The following TIAM2 variants were observed in gnomAD, a reference collection of about 807,000 sequenced individuals.
TIAM2 encodes rho guanine nucleotide exchange factor TIAM2.
In TIAM2, 80 loss-of-function variants were observed where a neutral mutation model predicts 152.9. That is an observed-to-expected ratio of 0.52 (90% CI 0.44 to 0.63). TIAM2 has a LOEUF of 0.63. Among genes scored for constraint, TIAM2 ranks in the 30% least tolerant of loss-of-function variants. The pLI is 0.00. For synonymous variants in TIAM2, 804 were observed against 838.0 expected (o/e 0.96, Z 0.70); for missense variants, 1,965 against 2,120.1 (o/e 0.93, Z 1.44).
intron 15 of TIAM2, among the ~76,000 whole-genome samples, chr6:155,239,651 A>G (rs1034343530): frequency 5.3e-5 from 8 of 152,178 alleles, no homozygotes; most frequent in African/African-American, 1.9e-4. Flanking sequence ...TGGTCCCCCC[A>G]GATGGTCATG....
chr6:155,007,990 T>G (rs987328997), intron 1 of TIAM2, among the ~76,000 whole-genome samples: 39 of 152,132 alleles, frequency 2.6e-4, no homozygotes, highest in African/African-American at 9.2e-4. Flanking sequence ...GTGTACAGAG[T>G]TGGCAGCCAA....
chr6:155,198,689 A>T (rs1209502979), intron 14 of TIAM2, among the ~76,000 whole-genome samples: 3 of 142,834 alleles, frequency 2.1e-5, no homozygotes, highest in South Asian at 2.2e-4. Context: ...AAAAAAAAAA[A>T]ATCTCTTAAT....
At position 154,995,689 on chromosome 6, in the gene TIAM2, C is replaced by A. The variant is rs894331563; in HGVS notation, c.-209+197C>A. 6.6e-6 allele frequency among the ~76,000 whole-genome samples: 1 copy of A among 151,850 alleles called. No homozygotes were observed. Among genetic ancestry groups the A allele is most frequent in the Non-Finnish European group, 1.5e-5 (1 of 67,896 alleles). On this transcript the variant is annotated intron_variant, in intron 1 of 26. Transcript: ENST00000682666. The surrounding 1 kb of genome is among the most constrained non-coding windows in gnomAD (Gnocchi z 5.2). ...TGCGGGGCGCGGCCTGGCACCCTCTCCCCGGAGGGCGGCAGCGTCCGGGCA... is the reference window on the plus strand; with the variant it reads ...TGCGGGGCGCGGCCTGGCACCCTCTACCCGGAGGGCGGCAGCGTCCGGGCA...
chr6:155,128,555 T>C (rs1779352881), intron 3 of TIAM2, among the ~76,000 whole-genome samples: 1 of 152,178 alleles, frequency 6.6e-6, no homozygotes, highest in African/African-American at 2.4e-5. Context: ...TCCCTAATTT[T>C]TCTCTTCAAG....
Position 155,127,631 on chromosome 6 carries a change from G to A in TIAM2, c.-7+31G>A, listed in dbSNP as rs189959687. ...CCCAACCCTTGTGCCTGGGGGTCACGTCAAGTTGCATGACTGTGATTAAGG... is the reference window on the plus strand; with the variant it reads ...CCCAACCCTTGTGCCTGGGGGTCACATCAAGTTGCATGACTGTGATTAAGG... On this transcript the variant is annotated intron_variant, in intron 3 of 26. Coordinates refer to ENST00000682666, the MANE Select transcript of TIAM2 (RefSeq NM_012454.4). 1.7e-4 allele frequency: 76 copies of A among 455,848 alleles called. No homozygotes were observed. In the East Asian group the frequency reaches 3.4e-3, roughly 20 times the overall value. The allele number at this position is 455,848 out of a possible 1,614,324, so 28.2% of individuals were successfully genotyped here. A position where few individuals can be genotyped will look rare whatever the true frequency, so the allele number is the denominator to read the frequency against.
rs1202469055 is a variant in TIAM2 at position 155,254,443 on chromosome 6, T to G, written c.4338T>G (p.Ile1446Met). The G allele has an allele frequency of 1.2e-6, 2 of 1,613,794 alleles. No homozygotes were observed. The highest frequency in any genetic ancestry group is 1.7e-6 in the Non-Finnish European group (2 of 1,179,702). ...CCSDSESKTN[I>M]VKVIRSILRE... ...GTGACAGTGAAAGCAAAACCAACAT[T>G]GTTAAGGTGATTCGTTCTATTCTGA... is the stretch of plus-strand genomic sequence containing the variant. Residue 1446 changes from isoleucine (I) to methionine (M), a missense_variant, in exon 26 of 27, where the codon ATT becomes ATG. Around this residue, in one of 3 missense-constraint regions of TIAM2, gnomAD observed 935 missense variants for 980.0 expected, o/e 0.95. Coordinates refer to ENST00000682666, the MANE Select transcript of TIAM2 (RefSeq NM_012454.4).
In TIAM2 at chr6:155,257,151, C is replaced by T. The variant is rs1312335092; in HGVS notation, c.*30C>T. On this transcript the variant is annotated 3_prime_UTR_variant, in exon 27 of 27. Transcript: ENST00000682666. ...ATTCAATCCAGATATGGGTTAAATTCCTCATTTTACTTTTAAACTGGTGGT... is the reference window on the plus strand; with the variant it reads ...ATTCAATCCAGATATGGGTTAAATTTCTCATTTTACTTTTAAACTGGTGGT... 1.3e-6 allele frequency: 2 copies of T among 1,557,770 alleles called. No homozygotes were observed. Among genetic ancestry groups the T allele is most frequent in the Non-Finnish European group, 1.8e-6 (2 of 1,137,698 alleles).
In TIAM2 at chr6:155,148,354, G is replaced by C. The variant is rs1339184287; in HGVS notation, c.2028+20G>C. Reference sequence around the variant, plus strand: ...AACCAGGTACTGTTTGTCTACACCTGAGTTTTCTTCCATTGCTCATGTCAC... The same window carrying C: ...AACCAGGTACTGTTTGTCTACACCTCAGTTTTCTTCCATTGCTCATGTCAC... On this transcript the variant is annotated intron_variant, in intron 7 of 26. Transcript: ENST00000682666. 3 of 1,602,514 alleles carry C rather than the reference G, an allele frequency of 1.9e-6. No homozygotes were observed. Among genetic ancestry groups the C allele is most frequent in the Non-Finnish European group, 2.6e-6 (3 of 1,174,466 alleles).
At chr6:155,037,576 T>G (rs1776945805) in intron 1 of TIAM2, among the ~76,000 whole-genome samples, 1 of 152,192 alleles carries the variant, frequency 6.6e-6, no homozygotes, top group African/African-American at 2.4e-5. Flanking sequence ...TCACCCAGGC[T>G]GGAGTGCAGT....
intron 14 of TIAM2, among the ~76,000 whole-genome samples, chr6:155,192,416 C>T (rs1439246028): frequency 1.3e-5 from 2 of 152,182 alleles, no homozygotes; most frequent in Admixed American, 6.5e-5. Context: ...TCTAGTTTTA[C>T]AGTTCTTGGA....
chr6:155,193,357 A>T (rs1256290106), intron 14 of TIAM2, among the ~76,000 whole-genome samples: 1 of 151,984 alleles, frequency 6.6e-6, no homozygotes, highest in Non-Finnish European at 1.5e-5. Flanking sequence ...TGAGCTGTGG[A>T]TTGTGCCACC....
At chr6:155,128,626 G>A (rs888576605) in intron 3 of TIAM2, among the ~76,000 whole-genome samples, 1 of 151,748 alleles carries the variant, frequency 6.6e-6, no homozygotes, top group Non-Finnish European at 1.5e-5. Flanking sequence ...TTGGGAGGCC[G>A]AGGCAAGAGG....
chr6:155,008,269 C>T (rs12196629), intron 1 of TIAM2, among the ~76,000 whole-genome samples: 23,785 of 152,188 alleles, frequency 0.16, 1,864 homozygotes, highest in Middle Eastern at 0.18. Flanking sequence ...TTAAAATTTG[C>T]TAAAATAGCA....
At chr6:155,136,236 GCCAGTAC>G (rs974262012) in intron 4 of TIAM2, among the ~76,000 whole-genome samples, 3 of 150,854 alleles carry the variant, frequency 2.0e-5, no homozygotes. Flanking sequence ...ATAGTTACTA[GCCAGTAC>G]CCTTCATAGA....
intron 1 of TIAM2, among the ~76,000 whole-genome samples, chr6:155,033,229 G>A (rs762647556): frequency 6.6e-5 from 10 of 151,970 alleles, no homozygotes; most frequent in Non-Finnish European, 1.0e-4. Context: ...ACTTAAATGC[G>A]GCCCAAAGAT....
chr6:155,036,361 G>A (rs1359065519), intron 1 of TIAM2, among the ~76,000 whole-genome samples: 1 of 151,702 alleles, frequency 6.6e-6, no homozygotes, highest in Non-Finnish European at 1.5e-5. Flanking sequence ...GGTAAACCCT[G>A]TCTCTACCAA....
chr6:155,206,370 G>C (rs1359348855), intron 14 of TIAM2, among the ~76,000 whole-genome samples: 1 of 152,102 alleles, frequency 6.6e-6, no homozygotes, highest in Non-Finnish European at 1.5e-5. Context: ...GCCTCAGCCT[G>C]GGGTACAGGC....
chr6:155,023,668 G>A (rs909822888), intron 1 of TIAM2, among the ~76,000 whole-genome samples: 1 of 152,132 alleles, frequency 6.6e-6, no homozygotes, highest in African/African-American at 2.4e-5. Context: ...GCGGGGAAAG[G>A]TCAGCAATAA....
At chr6:155,001,120 A>G (rs1337460524) in intron 1 of TIAM2, among the ~76,000 whole-genome samples, 1 of 152,152 alleles carries the variant, frequency 6.6e-6, no homozygotes. Flanking sequence ...TAGTGGGGAC[A>G]GACATGGAAG....
Sources: gnomAD v4.1 joint callset for allele counts (sites outside exome capture counted in the v4.1 genomes callset) on GRCh38, gnomAD v4.1.1 for gene constraint, gnomAD v4.1.1 regional missense constraint, Gnocchi (gnomAD v3.1) non-coding constraint, MANE v1.5 for transcripts, NCBI Gene and HGNC (gene_info 2026-07-23, HGNC 2026-07-21) for gene names.